Variants in CHCHD3 observed in about 807,000 individuals in gnomAD.
The protein encoded by CHCHD3 is coiled-coil-helix-coiled-coil-helix domain containing 3, also known as MICOS complex subunit MIC19.
CHCHD3 carries 20 observed loss-of-function variants against 38.2 expected under a neutral mutation model. That is an observed-to-expected ratio of 0.52 (90% confidence interval 0.37 to 0.76). The LOEUF (loss-of-function observed/expected upper bound fraction) is 0.76, where lower values mean the gene tolerates loss of function less well. Among genes scored for constraint, CHCHD3 ranks in the 30% least tolerant of loss-of-function variants. The pLI is 0.00. For synonymous variants in CHCHD3, 82 were observed against 100.0 expected (o/e 0.82, Z 1.07); for missense variants, 245 against 279.2 (o/e 0.88, Z 0.87).
intron 4 of CHCHD3, among the ~76,000 whole-genome samples, chr7:132,941,704 G>A (rs1436756185): frequency 6.6e-6 from 1 of 152,096 alleles, no homozygotes; most frequent in African/African-American, 2.4e-5. Flanking sequence ...AGCCTGGGAT[G>A]GCTGAGTGAT....
intron 2 of CHCHD3, among the ~76,000 whole-genome samples, chr7:133,026,078 GC>G (rs1279360563): frequency 1.3e-5 from 2 of 152,138 alleles, no homozygotes; most frequent in East Asian, 3.9e-4. Flanking sequence ...AAGCTAAAAA[GC>G]CCTCAGAATG....
chr7:132,996,757 T>G (rs1198928037), intron 3 of CHCHD3, among the ~76,000 whole-genome samples: 5 of 151,892 alleles, frequency 3.3e-5, no homozygotes, highest in African/African-American at 1.2e-4. Flanking sequence ...GCTGAGGGAG[T>G]GTGCTCACCA....
intron 2 of CHCHD3, among the ~76,000 whole-genome samples, chr7:133,038,135 A>G (rs1041851788): frequency 6.6e-6 from 1 of 152,224 alleles, no homozygotes; most frequent in African/African-American, 2.4e-5. Flanking sequence ...AGTAGGTAGC[A>G]CAGGCTCTAA....
chr7:132,862,812 T>A (rs147691439), intron 5 of CHCHD3, among the ~76,000 whole-genome samples: 1 of 152,224 alleles, frequency 6.6e-6, no homozygotes, highest in Non-Finnish European at 1.5e-5. Context: ...TTACCAACAG[T>A]AGACTCTATC....
chr7:133,001,800 G>A (rs1393774906), intron 3 of CHCHD3, among the ~76,000 whole-genome samples: 1 of 152,154 alleles, frequency 6.6e-6, no homozygotes, highest in Non-Finnish European at 1.5e-5. Context: ...ACTAGGAAAC[G>A]ATTCTCTGAA....
chr7:132,980,988 T>A (rs1050811167), intron 3 of CHCHD3, among the ~76,000 whole-genome samples: 5 of 152,174 alleles, frequency 3.3e-5, no homozygotes, highest in Non-Finnish European at 7.3e-5. Context: ...CTAGTTTTTT[T>A]GTTTTTTGTT....
intron 4 of CHCHD3, among the ~76,000 whole-genome samples, chr7:132,894,894 C>A (rs906703267): frequency 5.3e-5 from 8 of 152,190 alleles, no homozygotes; most frequent in African/African-American, 1.9e-4. Context: ...CAGGAATGCA[C>A]AATCCAGGAG....
intron 7 of CHCHD3, among the ~76,000 whole-genome samples, chr7:132,787,539 G>A (rs1271946643): frequency 1.3e-5 from 2 of 151,956 alleles, no homozygotes; most frequent in Non-Finnish European, 2.9e-5. Flanking sequence ...TAAATTTTGG[G>A]TTTGTGAGGC....
intron 2 of CHCHD3, among the ~76,000 whole-genome samples, chr7:133,042,108 T>C (rs375655697): frequency 1.2e-4 from 18 of 152,162 alleles, no homozygotes; most frequent in East Asian, 9.6e-4. Flanking sequence ...GAAATGTAAA[T>C]TATATCCAAG....
chr7:132,945,996 C>T (rs1300922218), intron 4 of CHCHD3, among the ~76,000 whole-genome samples: 1 of 151,850 alleles, frequency 6.6e-6, no homozygotes, highest in South Asian at 2.1e-4. Context: ...TATCTGTATG[C>T]ACACTGTCCA....
chr7:132,796,351 AC>A (rs765790951), intron 7 of CHCHD3, 90 bp downstream of exon 7: 18 of 1,437,400 alleles, frequency 1.3e-5, no homozygotes, highest in Non-Finnish European at 1.5e-5. Context: ...GCTTTTTCAC[AC>A]ACAGTGGCCC....
intron 1 of CHCHD3, among the ~76,000 whole-genome samples, chr7:133,080,777 C>T (rs866489346): frequency 1.3e-5 from 2 of 152,014 alleles, no homozygotes; most frequent in Non-Finnish European, 2.9e-5. Context: ...AAATTATTCT[C>T]AAGGTAACAG....
chr7:133,078,969 C>A (rs1815088951), intron 1 of CHCHD3, among the ~76,000 whole-genome samples: 1 of 152,190 alleles, frequency 6.6e-6, no homozygotes, highest in Admixed American at 6.5e-5. Flanking sequence ...TATGGACATA[C>A]TGAGAATGCG....
At chr7:132,793,451 A>G (rs1241617843) in intron 7 of CHCHD3, among the ~76,000 whole-genome samples, 2 of 152,236 alleles carry the variant, frequency 1.3e-5, no homozygotes, top group African/African-American at 4.8e-5. Context: ...ATATCTCTTT[A>G]CCCTCATGAA....
intron 5 of CHCHD3, among the ~76,000 whole-genome samples, chr7:132,885,096 A>G (rs1267746574): frequency 6.6e-6 from 1 of 152,094 alleles, no homozygotes; most frequent in Non-Finnish European, 1.5e-5. Context: ...TAATAAAAAT[A>G]CAAAAATCAG....
At chr7:132,942,974 G>T (rs1265638517) in intron 4 of CHCHD3, among the ~76,000 whole-genome samples, 1 of 152,126 alleles carries the variant, frequency 6.6e-6, no homozygotes, top group African/African-American at 2.4e-5. Flanking sequence ...GTTGCAAACA[G>T]AGAGAAAGGA....
chr7:132,838,579 T>C (rs1044393463), intron 5 of CHCHD3, 110 bp from the exon 6 acceptor site: 10 of 743,502 alleles, frequency 1.3e-5, no homozygotes, highest in Admixed American at 2.5e-5. Context: ...ACTCAAGCAG[T>C]AGAAGACTTT....
At chr7:132,787,189 G>A (rs568996087) in intron 7 of CHCHD3, among the ~76,000 whole-genome samples, 1 of 152,214 alleles carries the variant, frequency 6.6e-6, no homozygotes, top group Non-Finnish European at 1.5e-5. Context: ...AAGAGAAAGG[G>A]TGGAAAGAGG....
intron 3 of CHCHD3, chr7:133,022,509 A>G (rs1170345140): frequency 2.2e-6 from 1 of 456,634 alleles, no homozygotes; most frequent in Admixed American, 2.3e-5. Context: ...GTAGAAAAAA[A>G]GAAAGAAAAA....
Sources: gnomAD v4.1 joint callset for allele counts (sites outside exome capture counted in the v4.1 genomes callset) on GRCh38, gnomAD v4.1.1 for gene constraint, MANE v1.5 for transcripts, NCBI Gene and HGNC (gene_info 2026-07-23, HGNC 2026-07-21) for gene names.